The following SPMIP7 variants were observed in gnomAD, a reference collection of about 807,000 sequenced individuals.
SPMIP7 encodes protein SPMIP7.
At chr7:50,123,130 C>A in the SPMIP7 span, among the ~76,000 whole-genome samples, 3 of 126,698 alleles carry the variant, frequency 2.4e-5, no homozygotes, top group African/African-American at 9.6e-5. Context: ...ATGTTTATTG[C>A]GGCACTATTC....
the SPMIP7 span, among the ~76,000 whole-genome samples, chr7:50,103,052 TTA>T: frequency 2.1e-5 from 3 of 143,820 alleles, no homozygotes; most frequent in South Asian, 2.2e-4. Flanking sequence ...ATCATATATT[TTA>T]TATATATATA....
chr7:50,158,897 C>A, the SPMIP7 span: 1 of 707,370 alleles, frequency 1.4e-6, no homozygotes, highest in Non-Finnish European at 2.3e-6. Flanking sequence ...CAGCTGAGTG[C>A]TCCCCAGCAC....
the SPMIP7 span, among the ~76,000 whole-genome samples, chr7:50,154,467 G>T: frequency 0.45 from 68,907 of 151,926 alleles, 16,046 homozygotes; most frequent in East Asian, 0.72. Context: ...TTATTTCTTT[G>T]TTAGATTCCA....
the SPMIP7 span, among the ~76,000 whole-genome samples, chr7:50,158,889 G>C: frequency 6.6e-6 from 1 of 152,168 alleles, no homozygotes. Flanking sequence ...AATCCCTGCA[G>C]CTGAGTGCTC....
At chr7:50,138,659 T>A in the SPMIP7 span, among the ~76,000 whole-genome samples, 1 of 152,240 alleles carries the variant, frequency 6.6e-6, no homozygotes, top group Non-Finnish European at 1.5e-5. Flanking sequence ...TGAGAGTTTT[T>A]GCTAAATTTT....
At chr7:50,150,072 G>C in the SPMIP7 span, among the ~76,000 whole-genome samples, 4 of 152,106 alleles carry the variant, frequency 2.6e-5, no homozygotes, top group African/African-American at 9.7e-5. Context: ...CTTGTCACCT[G>C]ATACTTTCAG....
At chr7:50,151,436 A>G in the SPMIP7 span, 3 of 1,529,990 alleles carry the variant, frequency 2.0e-6, no homozygotes, top group South Asian at 2.4e-5. Context: ...TCCTCTCTTA[A>G]CTCTTCACTT....
At chr7:50,097,964 G>C in the SPMIP7 span, among the ~76,000 whole-genome samples, 1 of 152,110 alleles carries the variant, frequency 6.6e-6, no homozygotes, top group East Asian at 1.9e-4. Flanking sequence ...GTTTCAAAAA[G>C]TAATACCTGC....
At chr7:50,125,405 T>TACAC in the SPMIP7 span, among the ~76,000 whole-genome samples, 1 of 147,562 alleles carries the variant, frequency 6.8e-6, no homozygotes, top group Non-Finnish European at 1.5e-5. Flanking sequence ...TATACATATA[T>TACAC]ATATAAAGAA....
chr7:50,113,162 T>C, the SPMIP7 span, among the ~76,000 whole-genome samples: 1 of 152,108 alleles, frequency 6.6e-6, no homozygotes, highest in Non-Finnish European at 1.5e-5. Context: ...AAGATTCCTC[T>C]GGACTTTCTC....
the SPMIP7 span, among the ~76,000 whole-genome samples, chr7:50,151,856 G>T: frequency 6.6e-6 from 1 of 152,148 alleles, no homozygotes; most frequent in Non-Finnish European, 1.5e-5. Flanking sequence ...TATTTCAGGC[G>T]CATTAGAGGA....
At chr7:50,141,322 C>T in the SPMIP7 span, 1 of 1,552,080 alleles carries the variant, frequency 6.4e-7, no homozygotes, top group Admixed American at 2.0e-5. Flanking sequence ...GTTGACAACC[C>T]CTTGGGAGAC....
At chr7:50,106,050 T>C in the SPMIP7 span, among the ~76,000 whole-genome samples, 1 of 152,316 alleles carries the variant, frequency 6.6e-6, no homozygotes, top group South Asian at 2.1e-4. Flanking sequence ...CTAAAATAAG[T>C]TTAGACTTTT....
At chr7:50,131,340 C>G in the SPMIP7 span, among the ~76,000 whole-genome samples, 1 of 152,122 alleles carries the variant, frequency 6.6e-6, no homozygotes, top group Non-Finnish European at 1.5e-5. Context: ...CATTTCATAA[C>G]AAGGTGAAGG....
At chr7:50,143,070 A>G in the SPMIP7 span, among the ~76,000 whole-genome samples, 3 of 151,590 alleles carry the variant, frequency 2.0e-5, no homozygotes, top group African/African-American at 7.3e-5. Flanking sequence ...TGGCTTTATG[A>G]TAGTATCTTT....
chr7:50,131,338 A>G, the SPMIP7 span, among the ~76,000 whole-genome samples: 385 of 152,314 alleles, frequency 2.5e-3, 5 homozygotes, highest in East Asian at 0.032. Flanking sequence ...GCCATTTCAT[A>G]ACAAGGTGAA....
the SPMIP7 span, among the ~76,000 whole-genome samples, chr7:50,154,284 A>G: frequency 6.6e-6 from 1 of 152,134 alleles, no homozygotes; most frequent in African/African-American, 2.4e-5. Context: ...AAAAATCCTG[A>G]ATACGATGCA....
the SPMIP7 span, chr7:50,096,709 T>C: frequency 8.4e-7 from 1 of 1,195,886 alleles, no homozygotes. Context: ...TAAGATTCAA[T>C]ATTTAGGCAG....
At chr7:50,132,652 T>C in the SPMIP7 span, among the ~76,000 whole-genome samples, 2 of 152,178 alleles carry the variant, frequency 1.3e-5, no homozygotes, top group African/African-American at 2.4e-5. Flanking sequence ...ACTAGTCAGA[T>C]ATGGTAGAAA....
Sources: gnomAD v4.1 joint callset for allele counts (sites outside exome capture counted in the v4.1 genomes callset) on GRCh38, gnomAD v4.1.1 for gene constraint, MANE v1.5 for transcripts, NCBI Gene and HGNC (gene_info 2026-07-23, HGNC 2026-07-21) for gene names.